ANO9: variants seen among roughly 807,000 people sequenced by gnomAD.
ANO9 encodes the protein anoctamin-9.
ANO9 carries 80 observed loss-of-function variants against 100.5 expected under a neutral mutation model. The ratio of observed to expected loss-of-function variants is 0.80; its 90% CI spans 0.66 to 0.96. The LOEUF (loss-of-function observed/expected upper bound fraction) is 0.96. ANO9 is among the 40% of genes least tolerant of loss of function. ANO9 has a pLI of 0.00. For missense variants in ANO9, 1,064 were observed against 1,072.7 expected (o/e 0.99, Z 0.11); for synonymous variants, 473 against 435.6 (o/e 1.09, Z -1.07).
rs1438185655 is a variant in ANO9 at position 419,791 on chromosome 11, C to T, written c.1787-62G>A. 1.5e-5 allele frequency: 23 copies of T among 1,581,452 alleles called. 1 individual carries two copies. The highest frequency in any genetic ancestry group is 2.0e-5 in the Non-Finnish European group (23 of 1,164,990). ...GTCCCTCGGCTGGTTCTGCCCTCAC[C>T]CCCACCCCCGGCCAACACGGGGCCT... On this transcript the variant is annotated intron_variant, in intron 19 of 22. Transcript: ENST00000332826.
In ANO9 at chr11:432,116, C is replaced by A. The variant is rs372370381; in HGVS notation, c.351-62G>T. On this transcript the variant is annotated intron_variant, in intron 4 of 22. Transcript: ENST00000332826. This position sits in a 1 kb window ranked among gnomAD's most constrained non-coding sequence, Gnocchi z 4.8. Reference sequence around the variant, plus strand: ...AGTGGACCCTGCCTCCAGGTCTCAACCTGCCCTCTGGTCTGGCCAGGCCCA... The same window carrying A: ...AGTGGACCCTGCCTCCAGGTCTCAAACTGCCCTCTGGTCTGGCCAGGCCCA... 6.7e-5 allele frequency: 106 copies of A among 1,585,184 alleles called. No individual in the cohort carries two copies. The African/African-American group carries it at 1.3e-3, about 20-fold the overall frequency.
Position 422,650 on chromosome 11 carries a change from C to A in ANO9, c.1335-1452G>T, listed in dbSNP as rs982711187. Among the ~76,000 whole-genome samples, 65 of 152,118 alleles carry A rather than the reference C, an allele frequency of 4.3e-4. 1 individual carries two copies. The highest frequency in any genetic ancestry group is 3.7e-3 in the Admixed American group (57 of 15,264). On this transcript the variant is annotated intron_variant, in intron 15 of 22. Transcript: ENST00000332826. The surrounding 1 kb of genome is among the most constrained non-coding windows in gnomAD (Gnocchi z 4.3). The stretch of plus-strand genomic sequence containing the variant: ...TATCCCCTGGAGCCTCCAGAAGGAG[C>A]CCAGCCCTGCTAACCCCTTAGTTTT...
chr11:435,259 G>GTC (rs1488841716), intron 1 of ANO9, among the ~76,000 whole-genome samples: 37 of 94,246 alleles, frequency 3.9e-4, no homozygotes, highest in African/African-American at 1.8e-3. Context: ...GTCTAGTATG[G>GTC]TATAGTCTAG....
Position 428,922 on chromosome 11 carries a change from G to T in ANO9, c.916-96C>A, listed in dbSNP as rs1230113080. The T allele has an allele frequency of 5.1e-6, 6 of 1,166,424 alleles. No individual in the cohort carries two copies. The African/African-American group carries it at 9.2e-5, about 18-fold the overall frequency. 72.3% of individuals were successfully genotyped at this position (1,166,424 alleles called of 1,614,324 possible). The stretch of plus-strand genomic sequence containing the variant: ...CACACCTCACGGGTGGACAGACACG[G>T]GACACTCACCCCACACATGGGGAGA... On this transcript the variant is annotated intron_variant, in intron 11 of 22. Coordinates refer to ENST00000332826, the MANE Select transcript of ANO9 (RefSeq NM_001012302.3).
Position 420,494 on chromosome 11 carries a change from C to G in ANO9, c.1755G>C (p.Arg585=). The change falls in exon 19 of 23, where the codon CGG becomes CGC. Residue 585 remains arginine (R), a synonymous_variant. Coordinates refer to ENST00000332826, the MANE Select transcript of ANO9 (RefSeq NM_001012302.3). ...CCTTGGCCTTGCGCGGCACCAGGCG[C>G]CGCTGCAACCAGACCATCTTGATGG... ...LDAIKMVWLQ[R]RLVPRKAKDI... is the part of the protein sequence containing the mutation. 1 of 1,604,048 alleles carries G rather than the reference C, an allele frequency of 6.2e-7. No individual in the cohort carries two copies. Among genetic ancestry groups the G allele is most frequent in the Non-Finnish European group, 8.5e-7 (1 of 1,179,556 alleles).
At chr11:441,616 G>C (rs1185726678) in intron 1 of ANO9, among the ~76,000 whole-genome samples, 3 of 152,164 alleles carry the variant, frequency 2.0e-5, no homozygotes, top group Non-Finnish European at 2.9e-5. Flanking sequence ...TCAGGACTCT[G>C]GTAGAGGTTC....
chr11:436,593 AACCGGGCC>A (rs1441766372), intron 1 of ANO9, among the ~76,000 whole-genome samples: 1 of 128,552 alleles, frequency 7.8e-6, no homozygotes. Context: ...GCCAGTTAGG[AACCGGGCC>A]ACAGAGCAGG....
At position 428,159 on chromosome 11, in the gene ANO9, G is replaced by A; in HGVS notation, c.1263C>T (p.Thr421=). Residue 421 remains threonine, a synonymous_variant, in exon 15 of 23, where the codon ACC becomes ACT. Coordinates refer to ENST00000332826, the MANE Select transcript of ANO9 (RefSeq NM_001012302.3). ...RTFSERESRF[T]IRFFTLQFFT... Reference sequence around the variant, plus strand: ...AGAACTGCAGTGTGAAGAAGCGGATGGTGAACCTGCTCTCTCGCTCCGAGA... The same window carrying A: ...AGAACTGCAGTGTGAAGAAGCGGATAGTGAACCTGCTCTCTCGCTCCGAGA... 6.2e-7 allele frequency: 1 copy of A among 1,612,004 alleles called. No individual in the cohort carries two copies. The highest frequency in any genetic ancestry group is 8.5e-7 in the Non-Finnish European group (1 of 1,179,700).
At chr11:427,589 G>T (rs780071207) in intron 15 of ANO9, among the ~76,000 whole-genome samples, 2 of 152,022 alleles carry the variant, frequency 1.3e-5, no homozygotes, top group Non-Finnish European at 2.9e-5. Context: ...AAAATTAGCT[G>T]GGTGTGGTGG....
intron 1 of ANO9, among the ~76,000 whole-genome samples, chr11:439,543 C>G (rs1845688436): frequency 6.6e-6 from 1 of 152,160 alleles, no homozygotes; most frequent in Non-Finnish European, 1.5e-5. Flanking sequence ...CAGGGGGTCC[C>G]ACGACGCACA....
chr11:434,203 TC>T, intron 1 of ANO9, 105 bp from the exon 2 acceptor site: 2 of 1,313,040 alleles, frequency 1.5e-6, no homozygotes, highest in Non-Finnish European at 1.0e-6. Flanking sequence ...ACACCGTCCC[TC>T]CCCACAAGGA....
At chr11:425,623 G>A (rs1000899958) in intron 15 of ANO9, among the ~76,000 whole-genome samples, 4 of 149,444 alleles carry the variant, frequency 2.7e-5, no homozygotes, top group South Asian at 2.1e-4. Flanking sequence ...AAAATGCTCC[G>A]ATAATATGAA....
rs1419080854 is a variant in ANO9, at chr11:432,283, C to T, written c.351-229G>A. The T allele has an allele frequency of 5.4e-6, 3 of 556,852 alleles. No individual in the cohort carries two copies. In the African/African-American group the frequency reaches 5.7e-5, roughly 11 times the overall value. 34.5% of individuals were successfully genotyped at this position (556,852 alleles called of 1,614,324 possible). The stretch of plus-strand genomic sequence containing the variant: ...CTGCCCCACGGCGTCCAGGATGAGG[C>T]TGGGCTGGGGGCTCCTTCTCCTCCC... On this transcript the variant is annotated intron_variant, in intron 4 of 22. Transcript: ENST00000332826. This position sits in a 1 kb window ranked among gnomAD's most constrained non-coding sequence, Gnocchi z 4.8.
chr11:430,422 A>G lies in ANO9; in HGVS notation c.540-19T>C. Reference sequence around the variant, plus strand: ...GTAGTTCCTGCAGGCAGCAGGGGTCAAGGCCAGCTGTCAGGGGGCGGTGGG... The same window carrying G: ...GTAGTTCCTGCAGGCAGCAGGGGTCGAGGCCAGCTGTCAGGGGGCGGTGGG... On this transcript the variant is annotated intron_variant, in intron 7 of 22. Transcript: ENST00000332826. The G allele has an allele frequency of 7.2e-7, 1 of 1,384,172 alleles. No homozygotes were observed. The highest frequency in any genetic ancestry group is 9.6e-7 in the Non-Finnish European group (1 of 1,041,042). The allele number at this position is 1,384,172 out of a possible 1,614,324, so 85.7% of individuals were successfully genotyped here.
At chr11:419,788 C>T in intron 19 of ANO9, 59 bp from the exon 20 acceptor site, 1 of 1,583,068 alleles carries the variant, frequency 6.3e-7, no homozygotes, top group South Asian at 1.2e-5. Flanking sequence ...GTTCTGCCCT[C>T]ACCCCCACCC....
rs1276852909 is a variant in ANO9 at position 441,936 on chromosome 11, G to A, written c.-10C>T. 6.2e-7 allele frequency: 1 copy of A among 1,607,442 alleles called. No homozygotes were observed. Among genetic ancestry groups the A allele is most frequent in the African/African-American group, 1.3e-5 (1 of 75,022 alleles). ...CAGGACTCACCTGCATGCTGGCTGTGGCCGGAGTTCCAGCTGGGGTTTGGC... is the reference window on the plus strand; with the variant it reads ...CAGGACTCACCTGCATGCTGGCTGTAGCCGGAGTTCCAGCTGGGGTTTGGC... On this transcript the variant is annotated 5_prime_UTR_variant, in exon 1 of 23. Transcript: ENST00000332826.
At chr11:436,367 C>T (rs1352154965) in intron 1 of ANO9, among the ~76,000 whole-genome samples, 1 of 151,966 alleles carries the variant, frequency 6.6e-6, no homozygotes, top group African/African-American at 2.4e-5. Flanking sequence ...ACGCCCGGCC[C>T]TGTTTCTTAT....
intron 15 of ANO9, among the ~76,000 whole-genome samples, chr11:427,713 C>G (rs923867189): frequency 2.6e-5 from 4 of 151,854 alleles, no homozygotes; most frequent in South Asian, 2.1e-4. Context: ...CTCTGTCTCT[C>G]TCTCTCTCTC....
At chr11:437,149 T>G (rs1454065272) in intron 1 of ANO9, among the ~76,000 whole-genome samples, 2 of 151,642 alleles carry the variant, frequency 1.3e-5, no homozygotes, top group Non-Finnish European at 2.9e-5. Flanking sequence ...AACCCCATTG[T>G]GCACTGCGCA....
Sources: gnomAD v4.1 joint callset for allele counts (sites outside exome capture counted in the v4.1 genomes callset) on GRCh38, gnomAD v4.1.1 for gene constraint, Gnocchi (gnomAD v3.1) non-coding constraint, MANE v1.5 for transcripts, NCBI Gene and HGNC (gene_info 2026-07-23, HGNC 2026-07-21) for gene names.